CDON: variants seen among roughly 807,000 people sequenced by gnomAD.
CDON encodes the protein cell adhesion associated, oncogene regulated, also known as cell adhesion molecule-related/down-regulated by oncogenes.
CDON carries 73 observed loss-of-function variants against 120.9 expected under a neutral mutation model. The observed-to-expected ratio is 0.60, with a 90% CI of 0.50 to 0.73. CDON has a LOEUF of 0.73. CDON is among the 30% of genes least tolerant of loss of function. The probability of loss-of-function intolerance (pLI) is 0.00; values close to 1 mark genes in which losing one functional copy is unlikely to be tolerated. For synonymous variants in CDON, 566 were observed against 573.5 expected (o/e 0.99, Z 0.19); for missense variants, 1,470 against 1,587.3 (o/e 0.93, Z 1.26).
Position 126,005,844 on chromosome 11 carries a change from T to C in CDON, c.1766A>G (p.His589Arg), listed in dbSNP as rs921014963. 1.9e-5 allele frequency: 31 copies of C among 1,613,946 alleles called. 2 individuals are homozygous for C. The Admixed American group carries it at 4.7e-4, about 24-fold the overall frequency. The change falls in exon 9 of 20, where the codon CAC becomes CGC. Residue 589 changes from histidine (H) to arginine (R), a missense_variant. His to Arg is a conservative substitution (Grantham distance 29, BLOSUM62 0). Transcript: ENST00000531738. Reference sequence around the variant, plus strand: ...CACCAGGTTGTACGTGTCTGGTGTGTGGGTCTGTGGGGGGCTCAGTATGAT... The same window carrying C: ...CACCAGGTTGTACGTGTCTGGTGTGCGGGTCTGTGGGGGGCTCAGTATGAT... The part of the protein sequence containing the change: ...APIILSPPQT[H>R]TPDTYNLVWR...
Position 126,018,243 on chromosome 11 carries a change from G to A in CDON, c.640+87C>T, listed in dbSNP as rs113480755. The A allele has an allele frequency of 2.9e-6, 4 of 1,357,392 alleles. No individual in the cohort carries two copies. In the African/African-American group the frequency reaches 4.3e-5, roughly 15 times the overall value. The allele number at this position is 1,357,392 out of a possible 1,614,324, so 84.1% of individuals were successfully genotyped here. A position where few individuals can be genotyped will look rare whatever the true frequency, so the allele number is the denominator to read the frequency against. ...AAGACTTTTTATGATAAACAAACAG[G>A]ATTTGAAAAAAAAATGAACTATCAT... is the stretch of plus-strand genomic sequence containing the variant. On this transcript the variant is annotated intron_variant, in intron 5 of 19. Coordinates refer to ENST00000531738, the MANE Select transcript of CDON (RefSeq NM_001378964.1).
intron 2 of CDON, among the ~76,000 whole-genome samples, chr11:126,022,844 A>C (rs567493903): frequency 6.6e-6 from 1 of 152,352 alleles, no homozygotes; most frequent in South Asian, 2.1e-4. Flanking sequence ...ACCCAAGTCT[A>C]AAATAAAAAG....
At chr11:125,974,799 A>G (rs560570438) in intron 18 of CDON, among the ~76,000 whole-genome samples, 4 of 152,094 alleles carry the variant, frequency 2.6e-5, no homozygotes, top group Admixed American at 2.6e-4. Flanking sequence ...CAACTCTAAA[A>G]CCAAATTTAT....
chr11:125,964,868 T>C (rs981982520), intron 18 of CDON, among the ~76,000 whole-genome samples: 27 of 152,210 alleles, frequency 1.8e-4, no homozygotes, highest in Non-Finnish European at 5.9e-5. Context: ...TATCAAAAGA[T>C]CAGAAATATC....
At chr11:125,976,178 T>C (rs535702044) in intron 18 of CDON, among the ~76,000 whole-genome samples, 1 of 152,362 alleles carries the variant, frequency 6.6e-6, no homozygotes, top group Admixed American at 6.5e-5. Context: ...GAGATACCTG[T>C]TCTCAATTCC....
chr11:126,037,107 T>C (rs1948121643), intron 1 of CDON, among the ~76,000 whole-genome samples: 1 of 59,632 alleles, frequency 1.7e-5, no homozygotes, highest in Non-Finnish European at 4.5e-5. Context: ...TTTTCTTTCT[T>C]TTTTTTTTTG....
intron 14 of CDON, among the ~76,000 whole-genome samples, chr11:125,991,683 G>A (rs1435819355): frequency 6.6e-6 from 1 of 151,630 alleles, no homozygotes; most frequent in Non-Finnish European, 1.5e-5. Flanking sequence ...AAGTACAAAG[G>A]ATGAATACTT....
At chr11:125,981,647 T>C (rs144646637) in intron 16 of CDON, among the ~76,000 whole-genome samples, 58 of 152,290 alleles carry the variant, frequency 3.8e-4, no homozygotes, top group African/African-American at 1.3e-3. Context: ...TATGATTCTG[T>C]TAACGGGAAG....
intron 19 of CDON, 54 bp from the exon 20 acceptor site, chr11:125,961,159 C>T (rs567548346): frequency 5.9e-6 from 9 of 1,535,476 alleles, no homozygotes; most frequent in African/African-American, 5.4e-5. Context: ...CTGATTTTTA[C>T]AAAGCAGTCT....
At chr11:126,018,538 A>C in intron 4 of CDON, 65 bp from the exon 5 acceptor site, 1 of 1,365,342 alleles carries the variant, frequency 7.3e-7, no homozygotes, top group Admixed American at 1.7e-5. Flanking sequence ...CACAACTAAA[A>C]CTCACAAAGG....
chr11:126,010,036 A>G (rs888885088), intron 8 of CDON, among the ~76,000 whole-genome samples: 3 of 152,192 alleles, frequency 2.0e-5, no homozygotes, highest in Non-Finnish European at 4.4e-5. Context: ...CTGCAATATC[A>G]TTTTCGGTAG....
In CDON at chr11:126,037,246, G is replaced by A. The variant is rs145733745; in HGVS notation, c.-61-13709C>T. Among the ~76,000 whole-genome samples the A allele has an allele frequency of 3.6e-4, 55 of 152,090 alleles. 1 individual carries two copies. The East Asian group carries it at 9.7e-3, about 27-fold the overall frequency. ...CCTCCCGAGTAGCTGGACCACAGGT[G>A]TGCACCACCATGCTCGGCTAATTTT... On this transcript the variant is annotated intron_variant, in intron 1 of 19. Transcript: ENST00000531738.
At chr11:126,003,761 A>C in intron 10 of CDON, 141 bp downstream of exon 10, 1 of 771,224 alleles carries the variant, frequency 1.3e-6, no homozygotes, top group Non-Finnish European at 2.2e-6. Context: ...CGGAGGTTGC[A>C]GTGAGCTGAG....
chr11:125,995,115 A>C (rs1946745727), intron 12 of CDON, 63 bp from the exon 13 acceptor site: 2 of 1,425,554 alleles, frequency 1.4e-6, no homozygotes, highest in South Asian at 2.3e-5. Context: ...AAAAGCTATA[A>C]TAAGACAACT....
At chr11:126,000,630 T>C (rs1418607958) in intron 11 of CDON, among the ~76,000 whole-genome samples, 1 of 152,150 alleles carries the variant, frequency 6.6e-6, no homozygotes, top group Non-Finnish European at 1.5e-5. Flanking sequence ...TTTCAGACAT[T>C]ACTTTTATTC....
At position 126,052,717 on chromosome 11, in the gene CDON, G is replaced by A. The variant is rs900571771; in HGVS notation, c.-62+9862C>T. 4.6e-5 allele frequency among the ~76,000 whole-genome samples: 7 copies of A among 151,918 alleles called. No individual in the cohort carries two copies. The South Asian group carries it at 6.2e-4, about 14-fold the overall frequency. On this transcript the variant is annotated intron_variant, in intron 1 of 19. Transcript: ENST00000531738. Reference sequence around the variant, plus strand: ...AGGTGCTTGTAATCCCAGCTACTTGGGAGGCTGAGGCAGGAGAATTGCTTG... The same window carrying A: ...AGGTGCTTGTAATCCCAGCTACTTGAGAGGCTGAGGCAGGAGAATTGCTTG...
At chr11:126,039,645 G>C (rs999939742) in intron 1 of CDON, among the ~76,000 whole-genome samples, 4 of 152,166 alleles carry the variant, frequency 2.6e-5, no homozygotes, top group South Asian at 2.1e-4. Flanking sequence ...TATGAAACAG[G>C]CTGAGTCATC....
intron 7 of CDON, 32 bp from the exon 8 acceptor site, chr11:126,010,726 G>A: frequency 6.4e-7 from 1 of 1,567,642 alleles, no homozygotes; most frequent in Non-Finnish European, 8.8e-7. Flanking sequence ...TATGAAAAAT[G>A]AAGAACATTG....
chr11:126,000,522 T>C (rs955842831), intron 11 of CDON, among the ~76,000 whole-genome samples: 10 of 152,228 alleles, frequency 6.6e-5, no homozygotes, highest in Admixed American at 1.3e-4. Context: ...TAGGCCTATA[T>C]TGTAAACTTC....
Sources: gnomAD v4.1 joint callset for allele counts (sites outside exome capture counted in the v4.1 genomes callset) on GRCh38, gnomAD v4.1.1 for gene constraint, MANE v1.5 for transcripts, NCBI Gene and HGNC (gene_info 2026-07-23, HGNC 2026-07-21) for gene names.